NLK: variants seen among roughly 807,000 people sequenced by gnomAD.
The protein encoded by NLK is nemo like kinase.
In NLK, 11 loss-of-function variants were observed where a neutral mutation model predicts 59.0. The observed-to-expected ratio is 0.19, with a 90% CI of 0.12 to 0.31. The LOEUF (loss-of-function observed/expected upper bound fraction) is 0.31. Ranked by LOEUF, NLK falls within the 10% of genes least tolerant of loss-of-function variation. The pLI, the probability that NLK is intolerant of heterozygous loss-of-function variation, is 1.00. For missense variants in NLK, 410 were observed against 661.1 expected (o/e 0.62, Z 4.16); for synonymous variants, 235 against 235.9 (o/e 1.00, Z 0.03).
At chr17:28,108,230 A>T (rs985293967) in intron 1 of NLK, among the ~76,000 whole-genome samples, 1 of 152,202 alleles carries the variant, frequency 6.6e-6, no homozygotes, top group Non-Finnish European at 1.5e-5. Context: ...TCTTAAAAAA[A>T]AATAATTAAC....
intron 1 of NLK, among the ~76,000 whole-genome samples, chr17:28,086,398 A>G (rs1331534219): frequency 1.3e-5 from 2 of 152,152 alleles, no homozygotes; most frequent in Non-Finnish European, 2.9e-5. Context: ...AGTTGAATGC[A>G]TTGCTACTTT....
At chr17:28,155,709 T>C (rs775417199) in intron 3 of NLK, among the ~76,000 whole-genome samples, 1 of 150,874 alleles carries the variant, frequency 6.6e-6, no homozygotes, top group Non-Finnish European at 1.5e-5. Context: ...ATGTTCTCAC[T>C]CATAGGTGGG....
intron 1 of NLK, among the ~76,000 whole-genome samples, chr17:28,083,097 G>A (rs963752525): frequency 1.3e-5 from 2 of 152,138 alleles, no homozygotes; most frequent in Non-Finnish European, 2.9e-5. Context: ...TGCTTGACAT[G>A]TGGAAATCAG....
At chr17:28,152,688 A>G (rs965447286) in intron 3 of NLK, among the ~76,000 whole-genome samples, 6 of 151,996 alleles carry the variant, frequency 3.9e-5, no homozygotes, top group Admixed American at 1.3e-4. Context: ...CGGTGGTGCA[A>G]TCATGGCTCA....
rs1320108704 is a variant in NLK at position 28,086,870 on chromosome 17, A to AT, written c.459-35733_459-35732insT. ...AACGAGACCTCATCTCTTAAAAAAA[A>AT]ATATATACATATATATATATTTTAT... On this transcript the variant is annotated intron_variant, in intron 1 of 10. Transcript: ENST00000407008. Among the ~76,000 whole-genome samples, 21 of 150,902 alleles carry AT rather than the reference A, an allele frequency of 1.4e-4. No homozygotes were observed. The South Asian group carries it at 2.9e-3, about 21-fold the overall frequency.
intron 3 of NLK, among the ~76,000 whole-genome samples, chr17:28,153,117 TAGAA>T (rs1479969128): frequency 1.3e-5 from 2 of 151,542 alleles, no homozygotes; most frequent in African/African-American, 2.4e-5. Flanking sequence ...CTACTAAAAA[TAGAA>T]AGATTAGCCA....
intron 2 of NLK, among the ~76,000 whole-genome samples, chr17:28,123,784 C>T (rs1338118972): frequency 6.6e-6 from 1 of 152,062 alleles, no homozygotes; most frequent in African/African-American, 2.4e-5. Flanking sequence ...TCAATTAATC[C>T]TGAGTTAAAA....
chr17:28,123,304 G>C (rs1207655803), intron 2 of NLK, among the ~76,000 whole-genome samples: 1 of 152,142 alleles, frequency 6.6e-6, no homozygotes, highest in Non-Finnish European at 1.5e-5. Context: ...AAAGCCCATA[G>C]AAAAGGAGCA....
rs907096588 is a variant in NLK, at chr17:28,195,020, C to G, written c.*384C>G. The G allele has an allele frequency of 3.1e-5, 5 of 160,480 alleles. No individual in the cohort carries two copies. The highest frequency in any genetic ancestry group is 4.8e-5 in the African/African-American group (2 of 41,248). The allele number at this position is 160,480 out of a possible 1,614,324, so 9.9% of individuals were successfully genotyped here. On this transcript the variant is annotated 3_prime_UTR_variant, in exon 11 of 11. Transcript: ENST00000407008. ...ACACACACACACACACACACAAACA[C>G]AAAGGACAGTCATACATTTTGATAT...
At chr17:28,096,727 A>G (rs1024054439) in intron 1 of NLK, among the ~76,000 whole-genome samples, 5 of 152,230 alleles carry the variant, frequency 3.3e-5, no homozygotes, top group African/African-American at 1.2e-4. Context: ...AACAGGAAAA[A>G]GAATTTTTCA....
At position 28,131,533 on chromosome 17, in the gene NLK, G is replaced by A. The variant is rs1458467569; in HGVS notation, c.589-1087G>A. On this transcript the variant is annotated intron_variant, in intron 2 of 10. Coordinates refer to ENST00000407008, the MANE Select transcript of NLK (RefSeq NM_016231.5). ...AACTGAGGCCAGGTATTGATTACAT[G>A]GGCATTCTCTATACTATTCTGCCCA... Among the ~76,000 whole-genome samples the A allele has an allele frequency of 3.6e-5, 5 of 140,390 alleles. No homozygotes were observed. The Admixed American group carries it at 3.7e-4, about 11-fold the overall frequency. The allele number at this position is 140,390 out of a possible 152,430, so 92.1% of individuals were successfully genotyped here.
intron 1 of NLK, among the ~76,000 whole-genome samples, chr17:28,068,972 C>A (rs1012572480): frequency 2.0e-5 from 3 of 152,208 alleles, no homozygotes; most frequent in Admixed American, 2.0e-4. Context: ...AGCCACACAC[C>A]TAGCCTTTTT....
At chr17:28,059,650 T>C (rs901067234) in intron 1 of NLK, among the ~76,000 whole-genome samples, 1 of 152,236 alleles carries the variant, frequency 6.6e-6, no homozygotes, top group Non-Finnish European at 1.5e-5. Flanking sequence ...CAATTTAGTG[T>C]ATACTAGAGA....
Position 28,042,954 on chromosome 17 carries a change from CCACCACCACCAT to C in NLK, c.92_103del (p.His31_His34del). 5 of 1,551,654 alleles carry C rather than the reference CCACCACCACCAT, an allele frequency of 3.2e-6. No individual in the cohort carries two copies. The highest frequency in any genetic ancestry group is 2.4e-5 in the East Asian group (1 of 41,300). On this transcript the variant is annotated inframe_deletion, in exon 1 of 11. Transcript: ENST00000407008. ...GTACATCTGCAGCAGCAGCAGGTCA[CCACCACCACCAT>C]CACCACCACCTTCCACACCTCCCTC...
chr17:28,137,759 C>CA (rs982512398), intron 3 of NLK, among the ~76,000 whole-genome samples: 4 of 149,888 alleles, frequency 2.7e-5, no homozygotes, highest in East Asian at 1.9e-4. Context: ...CTTGAAGCAA[C>CA]AAAAAAAAAG....
chr17:28,101,761 A>T (rs1904909546), intron 1 of NLK, among the ~76,000 whole-genome samples: 1 of 152,106 alleles, frequency 6.6e-6, no homozygotes, highest in African/African-American at 2.4e-5. Context: ...TTTCTCATTC[A>T]TATGCCATTT....
rs117620793 is a variant in NLK at position 28,093,245 on chromosome 17, G to A, written c.459-29358G>A. The stretch of plus-strand genomic sequence containing the variant: ...TTTCCTTTCTTTGAAATATTCTCAT[G>A]ACCAGATGCTGGAAAAATATACAAT... On this transcript the variant is annotated intron_variant, in intron 1 of 10. Coordinates refer to ENST00000407008, the MANE Select transcript of NLK (RefSeq NM_016231.5). Among the ~76,000 whole-genome samples the A allele has an allele frequency of 6.0e-3, 919 of 152,244 alleles. 6 individuals carry two copies. The highest frequency in any genetic ancestry group is 0.01 in the Non-Finnish European group (681 of 68,024).
intron 1 of NLK, among the ~76,000 whole-genome samples, chr17:28,100,085 A>G (rs75019586): frequency 0.016 from 2,438 of 152,272 alleles, 63 homozygotes; most frequent in African/African-American, 0.055. Flanking sequence ...AAGTTTTTAC[A>G]TAGCTCTTGG....
intron 3 of NLK, among the ~76,000 whole-genome samples, chr17:28,160,768 G>C (rs1907973638): frequency 6.6e-6 from 1 of 152,104 alleles, no homozygotes; most frequent in African/African-American, 2.4e-5. Flanking sequence ...TGGTGTCATG[G>C]TGGCCTAAGA....
Sources: allele counts gnomAD v4.1 joint callset (sites outside exome capture counted in the v4.1 genomes callset), GRCh38; gene constraint gnomAD v4.1.1; transcripts MANE v1.5; gene names NCBI Gene and HGNC (gene_info 2026-07-23, HGNC 2026-07-21).